IGSF1: variants seen among roughly 807,000 people sequenced by gnomAD.
IGSF1 encodes immunoglobulin superfamily member 1.
IGSF1 carries 40 observed loss-of-function variants against 95.3 expected under a neutral mutation model. The observed-to-expected ratio is 0.42, with a 90% CI of 0.33 to 0.55. The LOEUF (loss-of-function observed/expected upper bound fraction) is 0.55, where lower values mean the gene tolerates loss of function less well. Among genes scored for constraint, IGSF1 ranks in the 20% least tolerant of loss-of-function variants. The probability of loss-of-function intolerance (pLI) is 0.10; values close to 1 mark genes in which losing one functional copy is unlikely to be tolerated. For missense variants in IGSF1, 906 were observed against 1,025.4 expected, an observed-to-expected ratio of 0.88 and a Z score of 1.59; for synonymous variants, 372 against 382.9, an observed-to-expected ratio of 0.97 and a Z score of 0.33.
At chrX:131,287,364 C>T (rs1365718534) in intron 1 of IGSF1, among the ~76,000 whole-genome samples, 1 of 109,945 alleles carries the variant, frequency 9.1e-6, no homozygotes, top group African/African-American at 3.3e-5. Context: ...GCCTATGGAT[C>T]TAAAACAATG....
intron 1 of IGSF1, among the ~76,000 whole-genome samples, chrX:131,288,156 G>C (rs1390675287): frequency 8.9e-6 from 1 of 112,371 alleles, no homozygotes; most frequent in African/African-American, 3.2e-5. Context: ...AGGATTTTCA[G>C]ATTACCCACT....
At chrX:131,286,172 A>C (rs1603406157) in intron 3 of IGSF1, 124 bp from the exon 4 acceptor site, 1 of 649,672 alleles carries the variant, frequency 1.5e-6, no homozygotes. Context: ...CCTTGGGGAC[A>C]GGAGTGTGCT....
intron 5 of IGSF1, chrX:131,284,570 C>T (rs949817402): frequency 2.8e-5 from 21 of 749,951 alleles, no homozygotes; most frequent in Admixed American, 8.8e-5. Flanking sequence ...TGGGGGAGTT[C>T]GGGCTGGGAC....
chrX:131,279,142 C>G lies in IGSF1; in HGVS notation c.1750+1G>C. 1 of 1,207,039 alleles carries G rather than the reference C, an allele frequency of 8.3e-7. No homozygotes were observed. The highest frequency in any genetic ancestry group is 1.1e-6 in the Non-Finnish European group (1 of 891,026). On this transcript the variant is annotated splice_donor_variant, in intron 11 of 19. Coordinates refer to ENST00000361420, the MANE Select transcript of IGSF1 (RefSeq NM_001555.5). LOFTEE classifies it high-confidence loss of function. Reference sequence around the variant, plus strand: ...CCCAGTCTGGAGCAGGAAAAACTCACCAGTCTCTTCTATCAATACCCCATT... The same window carrying G: ...CCCAGTCTGGAGCAGGAAAAACTCAGCAGTCTCTTCTATCAATACCCCATT...
rs781464475 is a variant in IGSF1 at position 131,286,665 on chromosome X, C to G, written c.10G>C (p.Asp4His). ...ATGGTGGCCCCCTCCCCTGGTCTGT[C>G]CAGGGTCATGGGGCCTCTGGTGCTG... MTL[D>H]RPGEGATMLK... Residue 4 changes from aspartate (D) to histidine (H), a missense_variant, in exon 2 of 20, where the codon GAC becomes CAC. Asp to His is a moderately conservative substitution (Grantham distance 81). Transcript: ENST00000361420. 4 of 1,175,463 alleles carry G rather than the reference C, an allele frequency of 3.4e-6. No individual in the cohort carries two copies. The African/African-American group carries it at 7.2e-5, about 21-fold the overall frequency.
In IGSF1 at chrX:131,277,832, C is replaced by T. The variant is rs376841791; in HGVS notation, c.2320+24G>A. 2.4e-5 allele frequency: 29 copies of T among 1,194,225 alleles called. No individual in the cohort carries two copies. The African/African-American group carries it at 4.8e-4, about 20-fold the overall frequency. Reference sequence around the variant, plus strand: ...CTTTCCCTCCACCCTGCCCCCTTTCCTCCCACACCCTTTTCAGCTCTACCT... The same window carrying T: ...CTTTCCCTCCACCCTGCCCCCTTTCTTCCCACACCCTTTTCAGCTCTACCT... On this transcript the variant is annotated intron_variant, in intron 13 of 19. Coordinates refer to ENST00000361420, the MANE Select transcript of IGSF1 (RefSeq NM_001555.5).
At position 131,285,883 on chromosome X, in the gene IGSF1, T is replaced by G; in HGVS notation, c.263A>C (p.Gln88Pro). 8.3e-7 allele frequency: 1 copy of G among 1,211,306 alleles called. No individual in the cohort carries two copies. Among genetic ancestry groups the G allele is most frequent in the South Asian group, 1.8e-5 (1 of 56,950 alleles). Reference sequence around the variant, plus strand: ...AAGGGCACCTATAAGGAATGAAACTTGGAAGGTCTTGTGGGAAGGGCGGAT... The same window carrying G: ...AAGGGCACCTATAAGGAATGAAACTGGGAAGGTCTTGTGGGAAGGGCGGAT... ...TWIRPSHKTF[Q>P]VSFLIGALTE... is the part of the protein sequence containing the mutation. The change falls in exon 4 of 20, where the codon CAA (glutamine) becomes CCA (proline). Residue 88 changes from glutamine (Q) to proline (P), a missense_variant. Physicochemically the swap from Gln to Pro is moderately conservative, Grantham distance 76 (BLOSUM62 -1). Around this residue, in one of 5 missense-constraint regions of IGSF1, gnomAD observed 442 missense variants for 448.1 expected, o/e 0.99. Transcript: ENST00000361420.
chrX:131,286,781 C>T, intron 1 of IGSF1, 40 bp from the exon 2 acceptor site: 1 of 643,660 alleles, frequency 1.6e-6, no homozygotes, highest in Non-Finnish European at 2.3e-6. Context: ...ACTTGTCCTG[C>T]TCCTTAAAGT....
intron 6 of IGSF1, 112 bp downstream of exon 6, chrX:131,282,868 C>G (rs760779080): frequency 2.2e-6 from 2 of 924,732 alleles, no homozygotes; most frequent in East Asian, 6.2e-5. Context: ...ACAAATTCTG[C>G]TCCCTTCTCT....
At chrX:131,278,819 AC>A in intron 11 of IGSF1, 68 bp from the exon 12 acceptor site, 2 of 1,008,858 alleles carry the variant, frequency 2.0e-6, no homozygotes, top group Non-Finnish European at 2.7e-6. Flanking sequence ...TTGCCCTTGA[AC>A]CCTCTACCCA....
intron 2 of IGSF1, 34 bp from the exon 3 acceptor site, chrX:131,286,497 CTTG>C (rs775584645): frequency 6.7e-6 from 8 of 1,189,161 alleles, no homozygotes; most frequent in African/African-American, 5.3e-5. Context: ...GGAGAGCTCC[CTTG>C]TTGTCTCCAT....
At chrX:131,288,559 C>A (rs767526415) in intron 1 of IGSF1, among the ~76,000 whole-genome samples, 1 of 111,823 alleles carries the variant, frequency 8.9e-6, no homozygotes, top group African/African-American at 3.3e-5. Flanking sequence ...ACCCCTAAAC[C>A]AGGATCTTTG....
At chrX:131,274,537 G>A in intron 18 of IGSF1, 62 bp downstream of exon 18, 3 of 1,114,746 alleles carry the variant, frequency 2.7e-6, no homozygotes, top group Non-Finnish European at 3.6e-6. Context: ...ATGTCTCCAT[G>A]GGGACTGTCC....
intron 9 of IGSF1, among the ~76,000 whole-genome samples, chrX:131,279,550 C>G (rs920540178): frequency 9.1e-6 from 1 of 109,916 alleles, no homozygotes; most frequent in East Asian, 2.9e-4. Flanking sequence ...TCATGACCCA[C>G]GTGTCCCCCC....
chrX:131,277,635 C>T, intron 13 of IGSF1: 2 of 394,889 alleles, frequency 5.1e-6, no homozygotes, highest in Non-Finnish European at 8.7e-6. Context: ...AAAATTAAAT[C>T]ACCCTCCACG....
At position 131,281,737 on chromosome X, in the gene IGSF1, C is replaced by T; in HGVS notation, c.1454G>A (p.Ser485Asn). Residue 485 changes from serine (S) to asparagine (N), a missense_variant, in exon 8 of 20, where the codon AGC becomes AAC. Ser to Asn is a conservative substitution (Grantham distance 46). This residue lies in a region of IGSF1 where 442 missense variants were observed against 448.1 expected (regional missense o/e 0.99). Transcript: ENST00000361420. ...GTTAGGATGTGTCTCTACGCGATAG[C>T]TGCAACTGTAGGTCCCTGTGCCTTT... ...DGKGTGTYSC[S>N]YRVETHPNIW... The T allele has an allele frequency of 8.3e-7, 1 of 1,211,011 alleles. No individual in the cohort carries two copies.
At chrX:131,275,432 C>T in intron 16 of IGSF1, 46 bp downstream of exon 16, 2 of 1,177,646 alleles carry the variant, frequency 1.7e-6, no homozygotes, top group Non-Finnish European at 2.3e-6. Flanking sequence ...AGTCTATTCC[C>T]TCCTTTCTAC....
In IGSF1 at chrX:131,286,500, G is replaced by T. The variant is rs1375729381; in HGVS notation, c.71-37C>A. ...GATTATGGTAAAGGAGAGCTCCCTTGTTGTCTCCATCCTGTGCTCAAACCT... is the reference window on the plus strand; with the variant it reads ...GATTATGGTAAAGGAGAGCTCCCTTTTTGTCTCCATCCTGTGCTCAAACCT... On this transcript the variant is annotated intron_variant, in intron 2 of 19. Transcript: ENST00000361420. 5 of 1,188,681 alleles carry T rather than the reference G, an allele frequency of 4.2e-6. No homozygotes were observed. The African/African-American group carries it at 5.3e-5, about 13-fold the overall frequency.
At chrX:131,279,379 G>GA (rs1415475323) in intron 9 of IGSF1, 38 bp from the exon 10 acceptor site, 1 of 1,120,190 alleles carries the variant, frequency 8.9e-7, no homozygotes, top group Non-Finnish European at 1.2e-6. Context: ...GAGTTGCTGG[G>GA]ATGAGGGGGA....
Sources: allele counts gnomAD v4.1 joint callset (sites outside exome capture counted in the v4.1 genomes callset), GRCh38; gene constraint gnomAD v4.1.1; regional missense constraint gnomAD v4.1.1; transcripts MANE v1.5; gene names NCBI Gene and HGNC (gene_info 2026-07-23, HGNC 2026-07-21).